FNBP1: variants seen among roughly 807,000 people sequenced by gnomAD.
FNBP1 encodes the protein formin-binding protein 1.
Under a neutral mutation model 90.6 loss-of-function variants are expected in FNBP1, and 26 were observed. The observed-to-expected ratio is 0.29, with a 90% CI of 0.21 to 0.40. The LOEUF (loss-of-function observed/expected upper bound fraction) is 0.40. FNBP1 is among the 10% of genes least tolerant of loss of function. The pLI, the probability that FNBP1 is intolerant of heterozygous loss-of-function variation, is 1.00. For missense variants in FNBP1, 635 were observed against 768.0 expected (o/e 0.83, Z 2.05); for synonymous variants, 260 against 265.2 (o/e 0.98, Z 0.19).
rs563092180 is a variant in FNBP1 at position 130,037,537 on chromosome 9, T to C, written c.24+5415A>G. 6.6e-5 allele frequency among the ~76,000 whole-genome samples: 10 copies of C among 152,256 alleles called. 1 individual carries two copies. The South Asian group carries it at 1.9e-3, about 28-fold the overall frequency. ...ATTTCGACACACTAGGGAAAAAAAT[T>C]CAACACACTATAAAGTGTTCTTATA... On this transcript the variant is annotated intron_variant, in intron 1 of 16. Transcript: ENST00000446176.
chr9:129,974,998 C>T (rs1387545253), intron 4 of FNBP1, among the ~76,000 whole-genome samples: 2 of 152,218 alleles, frequency 1.3e-5, no homozygotes, highest in African/African-American at 2.4e-5. Flanking sequence ...GCAGGCGGAT[C>T]ACCTGAGCTC....
In FNBP1 at chr9:129,887,243, A is replaced by G; in HGVS notation, c.*3296T>C. The G allele has an allele frequency of 5.4e-6, 1 of 185,484 alleles. No homozygotes were observed. Among genetic ancestry groups the G allele is most frequent in the Non-Finnish European group, 1.1e-5 (1 of 87,442 alleles). The allele number at this position is 185,484 out of a possible 1,614,324, so 11.5% of individuals were successfully genotyped here. On this transcript the variant is annotated 3_prime_UTR_variant, in exon 17 of 17. Transcript: ENST00000446176. ...AACATATAGTTACAAGGTCAATACAAGCCTCCAGTGGAAGCTCTTTATTTG... is the reference window on the plus strand; with the variant it reads ...AACATATAGTTACAAGGTCAATACAGGCCTCCAGTGGAAGCTCTTTATTTG...
intron 10 of FNBP1, 78 bp downstream of exon 10, chr9:129,923,766 A>G: frequency 7.1e-7 from 1 of 1,413,884 alleles, no homozygotes; most frequent in Non-Finnish European, 9.3e-7. Context: ...GGATTCATTC[A>G]CAAACAAAAT....
chr9:130,007,536 G>C (rs1051627411), intron 1 of FNBP1, among the ~76,000 whole-genome samples: 6 of 152,048 alleles, frequency 3.9e-5, no homozygotes, highest in African/African-American at 1.4e-4. Context: ...GAGATTAGGA[G>C]GGGAAACTGC....
At chr9:129,892,321 A>C (rs1226029141) in intron 16 of FNBP1, among the ~76,000 whole-genome samples, 1 of 150,852 alleles carries the variant, frequency 6.6e-6, no homozygotes, top group African/African-American at 2.4e-5. Flanking sequence ...ACCGGAAGTT[A>C]CTCTAGTCTA....
intron 1 of FNBP1, among the ~76,000 whole-genome samples, chr9:130,003,311 G>A (rs557230311): frequency 7.2e-4 from 109 of 152,102 alleles, no homozygotes; most frequent in African/African-American, 2.6e-3. Flanking sequence ...ACAAAAATTA[G>A]CTGGGTATGG....
intron 6 of FNBP1, among the ~76,000 whole-genome samples, chr9:129,945,575 A>C (rs532113468): frequency 6.6e-6 from 1 of 152,338 alleles, no homozygotes; most frequent in South Asian, 2.1e-4. Flanking sequence ...CAATAACTAA[A>C]GTGGTCATTG....
chr9:129,965,680 T>G (rs1394037354), intron 4 of FNBP1, among the ~76,000 whole-genome samples: 6 of 53,802 alleles, frequency 1.1e-4, no homozygotes, highest in Admixed American at 4.8e-4. Flanking sequence ...CCATCTCTCT[T>G]AAAACACACA....
chr9:130,047,160 G>A (rs1376400008), upstream of FNBP1, among the ~76,000 whole-genome samples: 1 of 151,886 alleles, frequency 6.6e-6, no homozygotes, highest in Non-Finnish European at 1.5e-5. Context: ...TATGGCCAGG[G>A]TGACAGCAAG....
intron 2 of FNBP1, among the ~76,000 whole-genome samples, chr9:129,990,133 T>C (rs1437998123): frequency 2.0e-5 from 3 of 152,156 alleles, no homozygotes; most frequent in African/African-American, 7.2e-5. Context: ...GTAATGCATA[T>C]GTTAATTAGC....
intron 1 of FNBP1, among the ~76,000 whole-genome samples, chr9:130,021,012 G>A (rs1420835157): frequency 6.6e-6 from 1 of 152,076 alleles, no homozygotes; most frequent in Non-Finnish European, 1.5e-5. Flanking sequence ...CTGCTTGCTT[G>A]GTTGGTGAAA....
chr9:129,962,413 G>A (rs919820998), intron 4 of FNBP1, among the ~76,000 whole-genome samples: 7 of 152,180 alleles, frequency 4.6e-5, no homozygotes, highest in African/African-American at 1.4e-4. Context: ...GGTGTTAGGG[G>A]TGCACTGCAG....
At chr9:129,997,602 T>G (rs1036905237) in intron 1 of FNBP1, among the ~76,000 whole-genome samples, 7 of 152,222 alleles carry the variant, frequency 4.6e-5, no homozygotes, top group Admixed American at 4.6e-4. Flanking sequence ...TTCTTACAAA[T>G]TGAGAGCACG....
chr9:129,992,312 C>A (rs1157749314), intron 2 of FNBP1, among the ~76,000 whole-genome samples: 1 of 152,162 alleles, frequency 6.6e-6, no homozygotes, highest in Non-Finnish European at 1.5e-5. Context: ...GTGAAACAGA[C>A]CATGTTCTAT....
intron 11 of FNBP1, among the ~76,000 whole-genome samples, chr9:129,912,696 A>AG (rs1227859462): frequency 6.6e-6 from 1 of 151,560 alleles, no homozygotes; most frequent in Non-Finnish European, 1.5e-5. Flanking sequence ...ATCTCAAAAA[A>AG]AAAAAAAAAA....
intron 4 of FNBP1, among the ~76,000 whole-genome samples, chr9:129,976,016 TC>T (rs1473218888): frequency 6.6e-6 from 1 of 151,884 alleles, no homozygotes; most frequent in Non-Finnish European, 1.5e-5. Flanking sequence ...AGGGAAGCAG[TC>T]CAGGATCATG....
chr9:129,924,110 GAA>G, intron 9 of FNBP1, 84 bp from the exon 10 acceptor site: 2 of 1,338,676 alleles, frequency 1.5e-6, no homozygotes, highest in Non-Finnish European at 2.0e-6. Flanking sequence ...AATAATATTT[GAA>G]ATCCAACGCA....
chr9:129,911,930 C>A (rs1442226434), intron 11 of FNBP1, among the ~76,000 whole-genome samples: 118 of 127,780 alleles, frequency 9.2e-4, no homozygotes, highest in East Asian at 1.1e-3. Flanking sequence ...GATTCTGTCT[C>A]AAAAAAAAAA....
intron 5 of FNBP1, 51 bp downstream of exon 5, chr9:129,958,440 A>AG: frequency 1.1e-6 from 1 of 934,954 alleles, no homozygotes; most frequent in African/African-American, 2.9e-5. Flanking sequence ...TCAAAAAAAA[A>AG]GAAAAAAAAA....
Sources: gnomAD v4.1 joint callset for allele counts (sites outside exome capture counted in the v4.1 genomes callset) on GRCh38, gnomAD v4.1.1 for gene constraint, MANE v1.5 for transcripts, NCBI Gene and HGNC (gene_info 2026-07-23, HGNC 2026-07-21) for gene names.